Variants in ABHD12 observed in about 807,000 individuals in gnomAD.
ABHD12 encodes the protein lysophosphatidylserine lipase ABHD12.
ABHD12 carries 43 observed loss-of-function variants against 58.3 expected under a neutral mutation model. The observed-to-expected ratio is 0.74, with a 90% CI of 0.58 to 0.95. ABHD12 has a LOEUF of 0.95. ABHD12 is among the 40% of genes least tolerant of loss of function. The pLI, the probability that ABHD12 is intolerant of heterozygous loss-of-function variation, is 0.00. For missense variants in ABHD12, 539 were observed against 537.2 expected (o/e 1.00, Z -0.03); for synonymous variants, 219 against 211.2 (o/e 1.04, Z -0.32).
rs141307080 is a variant in ABHD12 at position 25,303,561 on chromosome 20, G to A, written c.1018C>T (p.Leu340Phe). ...AEDDPVVPFQ[L>F]GRKLYSIAAP... The stretch of plus-strand genomic sequence containing the variant: ...AGGCCAGGACCCACCTTTCTGCCAA[G>A]CTGGAAGGGCACCACCGGGTCGTCC... Residue 340 changes from leucine (L) to phenylalanine (F), a missense_variant, in exon 11 of 13, where the codon CTT becomes TTT. Transcript: ENST00000339157. 1.5e-5 allele frequency: 24 copies of A among 1,613,590 alleles called. No homozygotes were observed. Among genetic ancestry groups the A allele is most frequent in the Admixed American group, 6.7e-5 (4 of 59,990 alleles).
At chr20:25,372,138 A>G (rs2089906813) in intron 1 of ABHD12, among the ~76,000 whole-genome samples, 1 of 152,006 alleles carries the variant, frequency 6.6e-6, no homozygotes, top group Admixed American at 6.6e-5. Context: ...AAGTGCTGGG[A>G]TTATAGGTAT....
At chr20:25,302,384 G>A (rs746844858) in intron 11 of ABHD12, 38 bp from the exon 12 acceptor site, 3 of 1,611,076 alleles carry the variant, frequency 1.9e-6, no homozygotes, top group African/African-American at 1.3e-5. Flanking sequence ...GCAGTGGCCT[G>A]GCATGGGGGT....
intron 4 of ABHD12, 111 bp from the exon 5 acceptor site, chr20:25,317,189 C>G: frequency 2.7e-6 from 2 of 738,894 alleles, no homozygotes; most frequent in South Asian, 2.9e-5. Context: ...GAGGGCAGAA[C>G]CTCTTCCTTG....
At position 25,359,373 on chromosome 20, in the gene ABHD12, G is replaced by A. The variant is rs188303566; in HGVS notation, c.192-20022C>T. On this transcript the variant is annotated intron_variant, in intron 1 of 12. Transcript: ENST00000339157. ...CGGGAGGCGGAGCTTGCAGTGAGCC[G>A]AGATTGCGCCACTGCACTCCCGCCT... 1.4e-3 allele frequency among the ~76,000 whole-genome samples: 192 copies of A among 139,986 alleles called. 2 individuals carry two copies. Among genetic ancestry groups the A allele is most frequent in the African/African-American group, 4.7e-3 (178 of 37,738 alleles). 91.8% of individuals were successfully genotyped at this position (139,986 alleles called of 152,430 possible). A position where few individuals can be genotyped will look rare whatever the true frequency, so the allele number is the denominator to read the frequency against.
chr20:25,296,627 C>CTGAG, downstream of ABHD12: 1 of 1,417,670 alleles, frequency 7.1e-7, no homozygotes, highest in Non-Finnish European at 9.5e-7. Context: ...CCCTGCTTTT[C>CTGAG]TGAGTACCAT....
chr20:25,318,895 G>A (rs1054807204), intron 4 of ABHD12, among the ~76,000 whole-genome samples: 5 of 152,160 alleles, frequency 3.3e-5, no homozygotes, highest in Non-Finnish European at 5.9e-5. Flanking sequence ...CACAGAAACC[G>A]CTTCACGGGC....
rs1292193542 is a variant in ABHD12, at chr20:25,302,287, G to C, written c.1089C>G (p.Pro363=). Residue 363 remains proline (P), a synonymous_variant, in exon 12 of 13, where the codon CCC becomes CCG. Transcript: ENST00000339157. ...SFRDFKVQFV[P]FHSDLGYRHK... ...GCCTGTAGCCAAGGTCTGAATGAAA[G>C]GGCACAAACTGAACTTTGAAATCTC... The C allele has an allele frequency of 3.1e-6, 5 of 1,613,736 alleles. No homozygotes were observed. In the Admixed American group the frequency reaches 5.0e-5, roughly 16 times the overall value.
At chr20:25,349,107 A>AG (rs1194550362) in intron 1 of ABHD12, among the ~76,000 whole-genome samples, 1 of 151,964 alleles carries the variant, frequency 6.6e-6, no homozygotes, top group Non-Finnish European at 1.5e-5. Context: ...AAAGAAAAAA[A>AG]GAAACAGATA....
At chr20:25,332,348 T>A (rs1273860521) in intron 2 of ABHD12, among the ~76,000 whole-genome samples, 55 of 151,914 alleles carry the variant, frequency 3.6e-4, no homozygotes, top group African/African-American at 1.2e-3. Flanking sequence ...CTCCCACACA[T>A]TAATAATGGG....
At chr20:25,306,987 A>C in intron 9 of ABHD12, 72 bp from the exon 10 acceptor site, 1 of 1,158,180 alleles carries the variant, frequency 8.6e-7, no homozygotes, top group Non-Finnish European at 1.3e-6. Flanking sequence ...GGGTGCAGAC[A>C]GTTTAAGTTC....
intron 1 of ABHD12, among the ~76,000 whole-genome samples, chr20:25,367,729 T>C (rs1289800644): frequency 1.4e-4 from 21 of 152,246 alleles, no homozygotes; most frequent in Admixed American, 1.4e-3. Context: ...TCATTCATGT[T>C]GTAGCATATT....
intron 1 of ABHD12, among the ~76,000 whole-genome samples, chr20:25,356,619 G>C (rs2089671540): frequency 6.6e-6 from 1 of 152,194 alleles, no homozygotes; most frequent in Non-Finnish European, 1.5e-5. Context: ...TGGTTCCTTT[G>C]ACGGGGGAGG....
intron 1 of ABHD12, among the ~76,000 whole-genome samples, chr20:25,363,040 C>A (rs907872446): frequency 2.6e-5 from 4 of 151,934 alleles, no homozygotes; most frequent in African/African-American, 9.7e-5. Flanking sequence ...AATTTTGACT[C>A]CTCCTTTTTA....
intron 11 of ABHD12, among the ~76,000 whole-genome samples, chr20:25,302,707 A>T (rs986812954): frequency 1.1e-4 from 16 of 152,110 alleles, no homozygotes; most frequent in African/African-American, 3.9e-4. Flanking sequence ...CTTAGCTAAG[A>T]TGGGCTTGAT....
chr20:25,303,245 G>A (rs1652593871), intron 11 of ABHD12: 2 of 1,242,764 alleles, frequency 1.6e-6, no homozygotes, highest in South Asian at 3.1e-5. Context: ...GATAACATAG[G>A]CAGCCCACTC....
At position 25,390,688 on chromosome 20, in the gene ABHD12, C is replaced by T; in HGVS notation, c.16G>A (p.Glu6Lys). The part of the protein sequence containing the change: MRKRT[E>K]PVALEHERCA... ...CGCTCATGCTCCAAGGCGACGGGCTCGGTCCGCTTCCTCATCCCGCGGCCG... is the reference window on the plus strand; with the variant it reads ...CGCTCATGCTCCAAGGCGACGGGCTTGGTCCGCTTCCTCATCCCGCGGCCG... The change falls in exon 1 of 13, where the codon GAG becomes AAG. Residue 6 changes from glutamate (E) to lysine (K), a missense_variant. Physicochemically the swap from Glu to Lys is moderately conservative, Grantham distance 56. Transcript: ENST00000339157. 2.1e-6 allele frequency: 3 copies of T among 1,411,040 alleles called. No homozygotes were observed. The highest frequency in any genetic ancestry group is 9.2e-7 in the Non-Finnish European group (1 of 1,082,142). 87.4% of individuals were successfully genotyped at this position (1,411,040 alleles called of 1,614,324 possible).
chr20:25,332,019 TAA>T lies in ABHD12; in HGVS notation c.316+7206_316+7207del, dbSNP rs1350452263. On this transcript the variant is annotated intron_variant, in intron 2 of 12. Coordinates refer to ENST00000339157, the MANE Select transcript of ABHD12 (RefSeq NM_001042472.3). Reference sequence around the variant, plus strand: ...AAAAGACACAGACTGGCAAATTGGATAAAGAGTCAAGACCCATCAGTGTGCTG... The same window carrying T: ...AAAAGACACAGACTGGCAAATTGGATAGAGTCAAGACCCATCAGTGTGCTG... Among the ~76,000 whole-genome samples the T allele has an allele frequency of 4.6e-5, 7 of 152,174 alleles. No individual in the cohort carries two copies. In the South Asian group the frequency reaches 1.2e-3, roughly 27 times the overall value.
At chr20:25,344,041 C>T (rs142322336) in intron 1 of ABHD12, among the ~76,000 whole-genome samples, 99 of 152,164 alleles carry the variant, frequency 6.5e-4, no homozygotes, top group Admixed American at 1.8e-3. Flanking sequence ...TAAATAGATG[C>T]ACAAAAAGCA....
intron 1 of ABHD12, among the ~76,000 whole-genome samples, chr20:25,387,530 C>A (rs1360615264): frequency 6.9e-6 from 1 of 145,658 alleles, no homozygotes; most frequent in African/African-American, 2.6e-5. Context: ...GAAGAAGGAT[C>A]GCTTGAAGCC....
Sources: gnomAD v4.1 joint callset for allele counts (sites outside exome capture counted in the v4.1 genomes callset) on GRCh38, gnomAD v4.1.1 for gene constraint, MANE v1.5 for transcripts, NCBI Gene and HGNC (gene_info 2026-07-23, HGNC 2026-07-21) for gene names.